DLGAP1: variants seen among roughly 807,000 people sequenced by gnomAD.
DLGAP1 encodes the protein disks large-associated protein 1.
Under a neutral mutation model 90.8 loss-of-function variants are expected in DLGAP1, and 11 were observed. The observed-to-expected ratio is 0.12, with a 90% CI of 0.08 to 0.20. The LOEUF is 0.20. DLGAP1 is among the 10% of genes least tolerant of loss of function. DLGAP1 has a pLI of 1.00. For missense variants in DLGAP1, 1,050 were observed against 1,333.8 expected (o/e 0.79, Z 3.31); for synonymous variants, 558 against 540.7 (o/e 1.03, Z -0.44).
At chr18:3,869,708 C>T (rs1367371110) in intron 4 of DLGAP1, among the ~76,000 whole-genome samples, 1 of 152,154 alleles carries the variant, frequency 6.6e-6, no homozygotes, top group Non-Finnish European at 1.5e-5. Context: ...CTTTTCTTTA[C>T]CACAGAATCA....
intron 1 of DLGAP1, among the ~76,000 whole-genome samples, chr18:4,283,281 C>T (rs78404710): frequency 0.026 from 4,013 of 152,104 alleles, 173 homozygotes; most frequent in African/African-American, 0.091. Context: ...TAAATACTCC[C>T]GAAAGTTTGT....
intron 2 of DLGAP1, among the ~76,000 whole-genome samples, chr18:4,101,612 A>G (rs2079793764): frequency 6.6e-6 from 1 of 151,780 alleles, no homozygotes; most frequent in Non-Finnish European, 1.5e-5. Flanking sequence ...ATTTCTGCCA[A>G]GCATAAAAAA....
In DLGAP1 at chr18:3,497,176, G is replaced by C. The variant is rs1354293742; in HGVS notation, c.*2009C>G. 2 of 152,180 alleles carry C rather than the reference G, an allele frequency of 1.3e-5. No individual in the cohort carries two copies. Among genetic ancestry groups the C allele is most frequent in the African/African-American group, 4.8e-5 (2 of 41,436 alleles). The allele number at this position is 152,180 out of a possible 1,614,324, so 9.4% of individuals were successfully genotyped here. A position where few individuals can be genotyped will look rare whatever the true frequency, so the allele number is the denominator to read the frequency against. ...TTGAATGTGACCATAGGCTACCCAA[G>C]TGGCAGTTGGCCCTACTCGATGCAA... On this transcript the variant is annotated 3_prime_UTR_variant, in exon 13 of 13. Coordinates refer to ENST00000315677, the MANE Select transcript of DLGAP1 (RefSeq NM_004746.4).
chr18:3,887,743 A>G (rs1210310036), intron 3 of DLGAP1, among the ~76,000 whole-genome samples: 2 of 152,082 alleles, frequency 1.3e-5, no homozygotes, highest in Non-Finnish European at 1.5e-5. Context: ...ATGATTTTAA[A>G]TTATTACTTT....
intron 8 of DLGAP1, among the ~76,000 whole-genome samples, chr18:3,576,765 C>T (rs540159234): frequency 9.6e-4 from 146 of 151,778 alleles, no homozygotes; most frequent in African/African-American, 3.5e-3. Context: ...GGCGTTTCTC[C>T]ATGTTGGTCA....
At chr18:3,585,379 T>C (rs774603216) in intron 7 of DLGAP1, among the ~76,000 whole-genome samples, 1 of 152,224 alleles carries the variant, frequency 6.6e-6, no homozygotes, top group African/African-American at 2.4e-5. Context: ...GTGATTCAGC[T>C]GAAGACCCAG....
intron 3 of DLGAP1, among the ~76,000 whole-genome samples, chr18:3,944,034 T>G (rs1286683852): frequency 6.6e-6 from 1 of 152,170 alleles, no homozygotes; most frequent in Non-Finnish European, 1.5e-5. Flanking sequence ...AGCCACTCAG[T>G]ATGTGGTACT....
intron 3 of DLGAP1, among the ~76,000 whole-genome samples, chr18:3,937,732 G>A (rs188339861): frequency 4.6e-4 from 70 of 152,274 alleles, no homozygotes; most frequent in African/African-American, 1.7e-3. Context: ...TTCCTTATAG[G>A]AAGTCCCATC....
chr18:3,566,636 T>C (rs971248821), intron 9 of DLGAP1, among the ~76,000 whole-genome samples: 3 of 152,148 alleles, frequency 2.0e-5, no homozygotes, highest in Admixed American at 6.6e-5. Flanking sequence ...GAAGGATGGA[T>C]AGGTGACATT....
intron 3 of DLGAP1, among the ~76,000 whole-genome samples, chr18:3,907,439 C>A (rs956470573): frequency 1.3e-5 from 2 of 152,182 alleles, no homozygotes; most frequent in African/African-American, 4.8e-5. Context: ...TAGAAATACC[C>A]AGATAAAATA....
intron 1 of DLGAP1, among the ~76,000 whole-genome samples, chr18:4,178,047 C>G (rs943230878): frequency 6.6e-6 from 1 of 152,098 alleles, no homozygotes; most frequent in Admixed American, 6.6e-5. Flanking sequence ...CCTATTCTTT[C>G]TATTCAAATC....
At chr18:3,804,221 G>A (rs2066460649) in intron 5 of DLGAP1, among the ~76,000 whole-genome samples, 1 of 152,084 alleles carries the variant, frequency 6.6e-6, no homozygotes, top group Non-Finnish European at 1.5e-5. Context: ...CTGGCCTCAA[G>A]TGATCTGCCT....
intron 1 of DLGAP1, among the ~76,000 whole-genome samples, chr18:4,217,675 T>G (rs1358857444): frequency 6.6e-6 from 1 of 152,130 alleles, no homozygotes; most frequent in Non-Finnish European, 1.5e-5. Context: ...GTGAGATGTC[T>G]GTTCAGACCT....
At chr18:3,774,023 C>G (rs2064823181) in intron 5 of DLGAP1, among the ~76,000 whole-genome samples, 1 of 152,204 alleles carries the variant, frequency 6.6e-6, no homozygotes, top group South Asian at 2.1e-4. Flanking sequence ...CCAGCAGCTG[C>G]CACCTCACCT....
intron 8 of DLGAP1, chr18:3,580,401 A>T: frequency 6.2e-7 from 1 of 1,613,786 alleles, no homozygotes; most frequent in Non-Finnish European, 8.5e-7. Flanking sequence ...CACCAGGTGG[A>T]CAGCTCCACA....
At chr18:3,887,346 G>T (rs1190535490) in intron 3 of DLGAP1, among the ~76,000 whole-genome samples, 1 of 152,228 alleles carries the variant, frequency 6.6e-6, no homozygotes, top group Non-Finnish European at 1.5e-5. Context: ...TGTATTTGCA[G>T]GTGGTGGTAA....
At chr18:4,400,590 T>G (rs2082534348) in intron 1 of DLGAP1, among the ~76,000 whole-genome samples, 1 of 152,064 alleles carries the variant, frequency 6.6e-6, no homozygotes, top group African/African-American at 2.4e-5. Flanking sequence ...AGAATGTTCT[T>G]TGTGGGGCTC....
intron 3 of DLGAP1, among the ~76,000 whole-genome samples, chr18:3,958,217 T>C (rs1170378673): frequency 6.6e-6 from 1 of 151,980 alleles, no homozygotes; most frequent in East Asian, 1.9e-4. Flanking sequence ...CCTTATTACA[T>C]ACTTTTAAAA....
chr18:3,960,776 G>A (rs1372246440), intron 3 of DLGAP1, among the ~76,000 whole-genome samples: 1 of 152,232 alleles, frequency 6.6e-6, no homozygotes, highest in Non-Finnish European at 1.5e-5. Flanking sequence ...GCTCCCTGCA[G>A]GTGCCTGCTC....
Sources: allele counts gnomAD v4.1 joint callset (sites outside exome capture counted in the v4.1 genomes callset), GRCh38; gene constraint gnomAD v4.1.1; transcripts MANE v1.5; gene names NCBI Gene and HGNC (gene_info 2026-07-23, HGNC 2026-07-21).